MYH11: variants seen among roughly 807,000 people sequenced by gnomAD.
MYH11 encodes myosin-11.
MYH11 carries 80 observed loss-of-function variants against 246.6 expected under a neutral mutation model. That is an observed-to-expected ratio of 0.32 (90% CI 0.27 to 0.39). MYH11 has a LOEUF of 0.39. MYH11 is among the 10% of genes least tolerant of loss of function. MYH11 has a pLI of 1.00. For synonymous variants in MYH11, 1,071 were observed against 1,015.5 expected (o/e 1.05, Z -1.04); for missense variants, 2,158 against 2,546.8 (o/e 0.85, Z 3.29).
chr16:15,790,898 T>A (rs536303017), intron 4 of MYH11: 7 of 152,166 alleles, frequency 4.6e-5, no homozygotes, highest in African/African-American at 1.4e-4. Flanking sequence ...TACTCTAATG[T>A]TGCCATCTGG....
At position 15,827,957 on chromosome 16, in the gene MYH11, T is replaced by C. The variant is rs1363868253; in HGVS notation, c.346-4546A>G. ...CACCCTCCTTCAGGCCTCGACTCCATCTCCAGCTCCTCTGGGGCCATGTCC... is the reference window on the plus strand; with the variant it reads ...CACCCTCCTTCAGGCCTCGACTCCACCTCCAGCTCCTCTGGGGCCATGTCC... On this transcript the variant is annotated intron_variant, in intron 2 of 40. Transcript: ENST00000300036. Among the ~76,000 whole-genome samples the C allele has an allele frequency of 7.9e-5, 12 of 152,168 alleles. 1 individual carries two copies. Among genetic ancestry groups the C allele is most frequent in the Admixed American group, 7.9e-4 (12 of 15,276 alleles).
At chr16:15,755,854 C>T (rs184721979) in intron 14 of MYH11, among the ~76,000 whole-genome samples, 84 of 152,306 alleles carry the variant, frequency 5.5e-4, no homozygotes, top group African/African-American at 1.8e-3. Flanking sequence ...ATCTCTTGAA[C>T]CCGGAGGGAG....
chr16:15,750,317 C>T lies in MYH11; in HGVS notation c.1879G>A (p.Gly627Ser), dbSNP rs563865467. Reference sequence around the variant, plus strand: ...GTCATCTTGGCCATCTGGTCCAGGCCCACGATGCGGTCCACTATGGGGCAC... The same window carrying T: ...GTCATCTTGGCCATCTGGTCCAGGCTCACGATGCGGTCCACTATGGGGCAC... Reference protein sequence around the residue: ...DLWKDVDRIVGLDQMAKMTES... With the variant: ...DLWKDVDRIVSLDQMAKMTES... The change falls in exon 16 of 41, where the codon GGC becomes AGC. Residue 627 changes from glycine to serine, a missense_variant. Gly to Ser is a moderately conservative substitution (Grantham distance 56). Transcript: ENST00000300036. This position sits in a 1 kb window ranked among gnomAD's most constrained non-coding sequence, Gnocchi z 4.3. 5.2e-5 allele frequency: 83 copies of T among 1,606,146 alleles called. No individual in the cohort carries two copies. The East Asian group carries it at 7.4e-4, about 14-fold the overall frequency.
intron 9 of MYH11, 48 bp downstream of exon 9, chr16:15,771,521 A>G (rs1164585855): frequency 6.2e-7 from 1 of 1,605,672 alleles, no homozygotes; most frequent in Non-Finnish European, 8.5e-7. Flanking sequence ...AACAGGTTCC[A>G]CTGGTATCCA....
At position 15,718,445 on chromosome 16, in the gene MYH11, G is replaced by A; in HGVS notation, c.5172-7C>T. On this transcript the variant is annotated splice_region_variant and splice_polypyrimidine_tract_variant and intron_variant, in intron 36 of 40. Transcript: ENST00000300036. ...CTCGTCCTGGAGTGCGTTCCTGGGG[G>A]AAGGGCGGCCATGGTGGGGGCCTCT... 5.8e-6 allele frequency: 9 copies of A among 1,554,520 alleles called. No homozygotes were observed. Among genetic ancestry groups the A allele is most frequent in the Non-Finnish European group, 7.8e-6 (9 of 1,152,856 alleles).
intron 1 of MYH11, among the ~76,000 whole-genome samples, chr16:15,856,207 C>G (rs1161609677): frequency 6.8e-6 from 1 of 147,386 alleles, no homozygotes; most frequent in Non-Finnish European, 1.5e-5. Flanking sequence ...TTGGGGTCAA[C>G]CTGGGTGAGT....
At chr16:15,712,405 G>C (rs202229573) in intron 40 of MYH11, among the ~76,000 whole-genome samples, 1 of 152,204 alleles carries the variant, frequency 6.6e-6, no homozygotes, top group East Asian at 1.9e-4. Flanking sequence ...ATCCCAGCAC[G>C]TGGGGAGGCT....
intron 1 of MYH11, among the ~76,000 whole-genome samples, chr16:15,844,254 A>G (rs1396321744): frequency 6.6e-6 from 1 of 152,138 alleles, no homozygotes; most frequent in Non-Finnish European, 1.5e-5. Context: ...CTAGAGTGCA[A>G]TGGCGGGATC....
At chr16:15,755,179 T>C (rs2041677852) in intron 14 of MYH11, among the ~76,000 whole-genome samples, 1 of 152,190 alleles carries the variant, frequency 6.6e-6, no homozygotes, top group Non-Finnish European at 1.5e-5. Context: ...GTGGAGGTAC[T>C]GAGGAGTCAA....
intron 9 of MYH11, among the ~76,000 whole-genome samples, chr16:15,767,548 C>T (rs997098679): frequency 1.3e-5 from 2 of 152,082 alleles, no homozygotes; most frequent in African/African-American, 4.8e-5. Flanking sequence ...TCTCGAACTC[C>T]TGGGCTCAAG....
chr16:15,789,885 G>A (rs577272484), intron 4 of MYH11, among the ~76,000 whole-genome samples: 1 of 152,316 alleles, frequency 6.6e-6, no homozygotes, highest in East Asian at 1.9e-4. Context: ...CAAACAACAT[G>A]TGTGGATCAC....
intron 14 of MYH11, among the ~76,000 whole-genome samples, chr16:15,753,831 G>A (rs747149343): frequency 6.6e-6 from 1 of 152,052 alleles, no homozygotes; most frequent in African/African-American, 2.4e-5. Flanking sequence ...ACACTATTAA[G>A]AGATTTCATG....
In MYH11 at chr16:15,721,637, A is replaced by G. The variant is rs112078377; in HGVS notation, c.4366-3T>C. On this transcript the variant is annotated splice_region_variant and splice_polypyrimidine_tract_variant and intron_variant, in intron 31 of 40. Coordinates refer to ENST00000300036, the MANE Select transcript of MYH11 (RefSeq NM_002474.3). ...ATGTTTTTCTCCTCGGCTAACAACT[A>G]CAACACAAGACCCAGAGGTGACTTC... The G allele has an allele frequency of 4.3e-6, 7 of 1,613,976 alleles. No homozygotes were observed. The highest frequency in any genetic ancestry group is 2.7e-5 in the African/African-American group (2 of 74,908).
intron 3 of MYH11, among the ~76,000 whole-genome samples, chr16:15,819,714 C>A (rs1316633671): frequency 6.6e-6 from 1 of 152,138 alleles, no homozygotes; most frequent in Non-Finnish European, 1.5e-5. Flanking sequence ...AAATAAAGTG[C>A]ACAATAAATG....
chr16:15,788,449 T>C (rs952783791), intron 4 of MYH11, among the ~76,000 whole-genome samples: 1 of 152,036 alleles, frequency 6.6e-6, no homozygotes, highest in African/African-American at 2.4e-5. Flanking sequence ...TCTGCTCTTC[T>C]TCCTAATTAG....
At chr16:15,815,071 A>T (rs1258563776) in intron 3 of MYH11, among the ~76,000 whole-genome samples, 2 of 152,342 alleles carry the variant, frequency 1.3e-5, no homozygotes, top group Admixed American at 1.3e-4. Context: ...AGACTGAAAG[A>T]CGAAACAGAA....
intron 38 of MYH11, among the ~76,000 whole-genome samples, chr16:15,716,827 G>T (rs8058678): frequency 0.023 from 3,554 of 152,222 alleles, 68 homozygotes; most frequent in South Asian, 0.068. Context: ...TTGGATTTTT[G>T]ATCTGTCAGC....
At chr16:15,835,972 A>G (rs1035421384) in intron 2 of MYH11, among the ~76,000 whole-genome samples, 1 of 151,320 alleles carries the variant, frequency 6.6e-6, no homozygotes, top group African/African-American at 2.4e-5. Flanking sequence ...CTGGTCTCAA[A>G]CTCCTGGGCT....
intron 40 of MYH11, chr16:15,713,458 C>T (rs1257861387): frequency 6.6e-6 from 1 of 151,812 alleles, no homozygotes; most frequent in Non-Finnish European, 1.5e-5. Context: ...TGTGGGAGGA[C>T]CCCTGAGCAA....
Sources: allele counts gnomAD v4.1 joint callset (sites outside exome capture counted in the v4.1 genomes callset), GRCh38; gene constraint gnomAD v4.1.1; non-coding constraint Gnocchi (gnomAD v3.1); transcripts MANE v1.5; gene names NCBI Gene and HGNC (gene_info 2026-07-23, HGNC 2026-07-21).